Variants in DNAAF4 observed in about 807,000 individuals in gnomAD.
DNAAF4 encodes the protein dynein axonemal assembly factor 4.
In DNAAF4, 43 loss-of-function variants were observed where a neutral mutation model predicts 51.8. The ratio of observed to expected loss-of-function variants is 0.83; its 90% CI spans 0.65 to 1.07. DNAAF4 has a LOEUF of 1.07. Among genes scored for constraint, DNAAF4 ranks in the 50% least tolerant of loss-of-function variants. DNAAF4 has a pLI of 0.00. For missense variants in DNAAF4, 581 were observed against 493.0 expected, an observed-to-expected ratio of 1.18 and a Z score of -1.69; for synonymous variants, 194 against 165.6, an observed-to-expected ratio of 1.17 and a Z score of -1.32.
At chr15:55,420,482 G>T (rs1208208259) in intron 7 of DNAAF4, among the ~76,000 whole-genome samples, 2 of 151,878 alleles carry the variant, frequency 1.3e-5, no homozygotes, top group Non-Finnish European at 2.9e-5. Context: ...CAATTAGAAA[G>T]AATAAATTTG....
At chr15:55,435,202 C>A in intron 7 of DNAAF4, 144 bp from the exon 8 acceptor site, 1 of 789,536 alleles carries the variant, frequency 1.3e-6, no homozygotes, top group Non-Finnish European at 1.9e-6. Flanking sequence ...CTGAATCCAT[C>A]TCTTTTCACA....
chr15:55,484,373 T>A lies in DNAAF4; in HGVS notation c.405+6750A>T, dbSNP rs566104307. ...GGTGGTGAGCACCTGTAGTCCCAGC[T>A]ACTGGGGAGGCTGAGGCAGGAGAAT... On this transcript the variant is annotated intron_variant, in intron 4 of 9. Transcript: ENST00000321149. 1.8e-4 allele frequency among the ~76,000 whole-genome samples: 28 copies of A among 151,546 alleles called. No homozygotes were observed. In the East Asian group the frequency reaches 4.9e-3, roughly 26 times the overall value.
intron 6 of DNAAF4, among the ~76,000 whole-genome samples, chr15:55,446,292 C>T (rs1288005007): frequency 1.3e-4 from 7 of 53,044 alleles, no homozygotes; most frequent in East Asian, 1.0e-3. Context: ...CCTCACATCC[C>T]AGACGGGGGG....
At chr15:55,494,421 A>T (rs899574678) in intron 3 of DNAAF4, among the ~76,000 whole-genome samples, 16 of 150,848 alleles carry the variant, frequency 1.1e-4, no homozygotes, top group African/African-American at 3.4e-4. Context: ...TTTATTTTTT[A>T]TTTTTTTTGA....
intron 5 of DNAAF4, among the ~76,000 whole-genome samples, chr15:55,458,935 G>A (rs564876987): frequency 1.3e-5 from 2 of 152,182 alleles, no homozygotes; most frequent in South Asian, 4.2e-4. Context: ...AATCAGCCAG[G>A]CGTGGTGGCA....
At chr15:55,494,965 A>G (rs939553645) in intron 3 of DNAAF4, among the ~76,000 whole-genome samples, 4 of 152,160 alleles carry the variant, frequency 2.6e-5, no homozygotes, top group Non-Finnish European at 4.4e-5. Context: ...AGCTGAATAG[A>G]TATGACAGAG....
chr15:55,490,927 C>T (rs1459191950), intron 4 of DNAAF4, 196 bp downstream of exon 4: 13 of 520,008 alleles, frequency 2.5e-5, no homozygotes, highest in Non-Finnish European at 4.1e-5. Context: ...GCACTCCAGC[C>T]TGGGCGACAG....
downstream of DNAAF4, among the ~76,000 whole-genome samples, chr15:55,426,136 G>T (rs927869389): frequency 7.1e-6 from 1 of 141,524 alleles, no homozygotes; most frequent in Admixed American, 6.7e-5. Flanking sequence ...CACTGAGTCA[G>T]TTCCTGGGTG....
rs530012850 is a variant in DNAAF4, at chr15:55,466,904, A to G, written c.637+26T>C. 5.7e-6 allele frequency: 9 copies of G among 1,580,650 alleles called. No individual in the cohort carries two copies. The South Asian group carries it at 8.4e-5, about 15-fold the overall frequency. ...ATATACTTCACCAACAGGACTCACT[A>G]CTCAAGAAATTCTTAATCATTTTAC... On this transcript the variant is annotated intron_variant, in intron 5 of 9. Coordinates refer to ENST00000321149, the MANE Select transcript of DNAAF4 (RefSeq NM_130810.4).
rs1020490742 is a variant in DNAAF4, at chr15:55,503,747, A to T, written c.-256+4375T>A. On this transcript the variant is annotated intron_variant, in intron 1 of 9. Transcript: ENST00000321149. ...TAGCCTTTCATGCTAAAAACTCTCA[A>T]TAAACTAGGTATTGTTGGAACGTAT... Among the ~76,000 whole-genome samples the T allele has an allele frequency of 3.3e-5, 5 of 152,216 alleles. No individual in the cohort carries two copies. In the South Asian group the frequency reaches 1.0e-3, roughly 32 times the overall value.
At chr15:55,444,310 C>T (rs2057762048) in intron 6 of DNAAF4, among the ~76,000 whole-genome samples, 1 of 152,118 alleles carries the variant, frequency 6.6e-6, no homozygotes, top group African/African-American at 2.4e-5. Context: ...AATCCTTTCC[C>T]CATTTCTTGT....
At chr15:55,481,808 C>T (rs994812062) in intron 4 of DNAAF4, among the ~76,000 whole-genome samples, 4 of 152,132 alleles carry the variant, frequency 2.6e-5, no homozygotes, top group Admixed American at 6.5e-5. Flanking sequence ...AAGAAAAACC[C>T]CACCTCTCCA....
At chr15:55,450,134 A>T in intron 6 of DNAAF4, 88 bp downstream of exon 6, 1 of 1,372,906 alleles carries the variant, frequency 7.3e-7, no homozygotes, top group Non-Finnish European at 9.7e-7. Flanking sequence ...ATACTTAAGA[A>T]ATTCAGAACC....
In DNAAF4 at chr15:55,498,347, C is replaced by G. The variant is rs376927167; in HGVS notation, c.-18G>C. On this transcript the variant is annotated 5_prime_UTR_variant, in exon 2 of 10. Transcript: ENST00000321149. ...AGAGGCATTCCGGTAGCAACGGGAGCGGATAGCGCGGCTGGTTGCTTCTTG... is the reference window on the plus strand; with the variant it reads ...AGAGGCATTCCGGTAGCAACGGGAGGGGATAGCGCGGCTGGTTGCTTCTTG... The G allele has an allele frequency of 1.3e-6, 2 of 1,592,870 alleles. No homozygotes were observed.
At chr15:55,476,533 G>A (rs2058337198) in intron 4 of DNAAF4, among the ~76,000 whole-genome samples, 1 of 152,092 alleles carries the variant, frequency 6.6e-6, no homozygotes, top group South Asian at 2.1e-4. Context: ...TATGAGAAAT[G>A]GTAAATATGT....
rs1226566470 is a variant in DNAAF4 at position 55,439,553 on chromosome 15, C to G, written c.812G>C (p.Arg271Thr). The change falls in exon 7 of 10, where the codon AGA becomes ACA. Residue 271 changes from arginine (R) to threonine (T), a missense_variant. Transcript: ENST00000321149. ...EWLHKQAEAR[R>T]AMNTDIAELC... Reference sequence around the variant, plus strand: ...TTCAGCTATGTCAGTATTCATTGCTCTTCGTGCCTCAGCTTGTTTGTGTAG... The same window carrying G: ...TTCAGCTATGTCAGTATTCATTGCTGTTCGTGCCTCAGCTTGTTTGTGTAG... 6.2e-7 allele frequency: 1 copy of G among 1,614,000 alleles called. No individual in the cohort carries two copies. Among genetic ancestry groups the G allele is most frequent in the East Asian group, 2.2e-5 (1 of 44,872 alleles).
intron 6 of DNAAF4, among the ~76,000 whole-genome samples, chr15:55,446,265 G>A (rs1210435209): frequency 1.9e-4 from 25 of 131,968 alleles, no homozygotes; most frequent in Admixed American, 3.0e-4. Flanking sequence ...TAGACGGGGC[G>A]GCCGGGCAGA....
intron 4 of DNAAF4, among the ~76,000 whole-genome samples, chr15:55,477,483 A>T (rs1342457177): frequency 6.6e-6 from 1 of 151,742 alleles, no homozygotes; most frequent in Non-Finnish European, 1.5e-5. Context: ...GACCAAAGGG[A>T]GGAGTAGAAA....
At chr15:55,451,111 C>T (rs991358618) in intron 5 of DNAAF4, among the ~76,000 whole-genome samples, 8 of 151,954 alleles carry the variant, frequency 5.3e-5, no homozygotes, top group African/African-American at 1.7e-4. Context: ...AACAAACAAA[C>T]GAAAACTAGG....
Sources: allele counts gnomAD v4.1 joint callset (sites outside exome capture counted in the v4.1 genomes callset), GRCh38; gene constraint gnomAD v4.1.1; transcripts MANE v1.5; gene names NCBI Gene and HGNC (gene_info 2026-07-23, HGNC 2026-07-21).